The following ZBTB11 variants were observed in gnomAD, a reference collection of about 807,000 sequenced individuals.
The protein encoded by ZBTB11 is zinc finger and BTB domain containing 11.
Under a neutral mutation model 113.1 loss-of-function variants are expected in ZBTB11, and 68 were observed. That is an observed-to-expected ratio of 0.60 (90% CI 0.49 to 0.74). The LOEUF (loss-of-function observed/expected upper bound fraction) is 0.74. ZBTB11 is among the 30% of genes least tolerant of loss of function. The pLI is 0.00. For synonymous variants in ZBTB11, 518 were observed against 452.6 expected, an observed-to-expected ratio of 1.14 and a Z score of -1.83; for missense variants, 1,104 against 1,279.4, an observed-to-expected ratio of 0.86 and a Z score of 2.09.
intron 6 of ZBTB11, among the ~76,000 whole-genome samples, chr3:101,657,716 G>A (rs1233277072): frequency 6.6e-6 from 1 of 152,078 alleles, no homozygotes; most frequent in African/African-American, 2.4e-5. Context: ...CAGGCACAGT[G>A]GCTTATGCCT....
In ZBTB11 at chr3:101,677,006, C is replaced by G; in HGVS notation, c.-92G>C. On this transcript the variant is annotated 5_prime_UTR_variant, in exon 1 of 11. Coordinates refer to ENST00000312938, the MANE Select transcript of ZBTB11 (RefSeq NM_014415.4). ...GCGGCTGCAGGAGGAGCGGCGGCACCGTAGGGAGAAACGGCTGCGCCTTTG... is the reference window on the plus strand; with the variant it reads ...GCGGCTGCAGGAGGAGCGGCGGCACGGTAGGGAGAAACGGCTGCGCCTTTG... 1 of 1,389,782 alleles carries G rather than the reference C, an allele frequency of 7.2e-7. No individual in the cohort carries two copies. The highest frequency in any genetic ancestry group is 9.6e-7 in the Non-Finnish European group (1 of 1,045,456). The allele number at this position is 1,389,782 out of a possible 1,614,324, so 86.1% of individuals were successfully genotyped here. A position where few individuals can be genotyped will look rare whatever the true frequency, so the allele number is the denominator to read the frequency against.
chr3:101,676,965 G>T lies in ZBTB11; in HGVS notation c.-51C>A. 6.7e-7 allele frequency: 1 copy of T among 1,495,590 alleles called. No individual in the cohort carries two copies. Among genetic ancestry groups the T allele is most frequent in the East Asian group, 2.4e-5 (1 of 41,084 alleles). The allele number at this position is 1,495,590 out of a possible 1,614,324, so 92.6% of individuals were successfully genotyped here. On this transcript the variant is annotated 5_prime_UTR_variant, in exon 1 of 11. Transcript: ENST00000312938. ...CCTGTCAGGGACAGGTGAGGAAAAC[G>T]GCCCGCTACCTACGGGCGGCTGCAG...
rs113195519 is a variant in ZBTB11 at position 101,665,402 on chromosome 3, G to C, written c.1185C>G (p.Ala395=). 1 of 1,614,100 alleles carries C rather than the reference G, an allele frequency of 6.2e-7. No individual in the cohort carries two copies. The highest frequency in any genetic ancestry group is 8.5e-7 in the Non-Finnish European group (1 of 1,180,024). ...CAGCTATACATCCTACTGATGACAG[G>C]GCAGATTCAGCCTCTGAAGAAACCT... The part of the protein sequence containing the change: ...EPQVSSEAES[A]LSSVGCIADS... Residue 395 remains alanine, a synonymous_variant, in exon 4 of 11, where the codon GCC becomes GCG. Coordinates refer to ENST00000312938, the MANE Select transcript of ZBTB11 (RefSeq NM_014415.4).
Position 101,665,633 on chromosome 3 carries a change from T to C in ZBTB11, c.954A>G (p.Val318=). Residue 318 remains valine (V), a synonymous_variant, in exon 4 of 11, where the codon GTA becomes GTG. Transcript: ENST00000312938. Reference sequence around the variant, plus strand: ...CTGTTTGTACTTCGCCCTTCTTATATACTGTTAGCTGCTTCTCTTCCATTA... The same window carrying C: ...CTGTTTGTACTTCGCCCTTCTTATACACTGTTAGCTGCTTCTCTTCCATTA... ...HKLMEEKQLT[V]YKKGEVQTVA... 1 of 1,614,240 alleles carries C rather than the reference T, an allele frequency of 6.2e-7. No homozygotes were observed. The highest frequency in any genetic ancestry group is 8.5e-7 in the Non-Finnish European group (1 of 1,180,034).
chr3:101,675,536 T>A (rs1488788843), intron 1 of ZBTB11, among the ~76,000 whole-genome samples: 1 of 152,192 alleles, frequency 6.6e-6, no homozygotes, highest in Non-Finnish European at 1.5e-5. Context: ...CTAACAAAAT[T>A]TCTTAAATGG....
intron 5 of ZBTB11, among the ~76,000 whole-genome samples, chr3:101,664,015 C>G (rs1262608389): frequency 6.6e-6 from 1 of 152,172 alleles, no homozygotes; most frequent in African/African-American, 2.4e-5. Flanking sequence ...CACAGTACTC[C>G]CCAGTGGAGT....
intron 1 of ZBTB11, among the ~76,000 whole-genome samples, chr3:101,675,504 T>C (rs565185093): frequency 1.5e-4 from 23 of 152,364 alleles, no homozygotes; most frequent in African/African-American, 4.6e-4. Context: ...TGTAGCCATA[T>C]TGGAGAGTGA....
chr3:101,654,517 T>C (rs935668376), intron 8 of ZBTB11, among the ~76,000 whole-genome samples, 187 bp downstream of exon 8: 7 of 152,084 alleles, frequency 4.6e-5, no homozygotes, highest in Non-Finnish European at 7.4e-5. Flanking sequence ...TTTAAATGAG[T>C]GATTTGTATG....
chr3:101,676,922 C>G lies in ZBTB11; in HGVS notation c.-8G>C. Reference sequence around the variant, plus strand: ...GCTTTCCTCGCTTGACATCGCGGACCGCGGCTCCCTGAGGGCGCCTGTCAG... The same window carrying G: ...GCTTTCCTCGCTTGACATCGCGGACGGCGGCTCCCTGAGGGCGCCTGTCAG... On this transcript the variant is annotated 5_prime_UTR_variant, in exon 1 of 11. Coordinates refer to ENST00000312938, the MANE Select transcript of ZBTB11 (RefSeq NM_014415.4). 6.4e-7 allele frequency: 1 copy of G among 1,555,684 alleles called. No individual in the cohort carries two copies. The highest frequency in any genetic ancestry group is 1.7e-4 in the Middle Eastern group (1 of 5,794).
intron 1 of ZBTB11, 159 bp downstream of exon 1, chr3:101,676,446 C>T (rs1937175318): frequency 2.7e-6 from 2 of 750,202 alleles, no homozygotes; most frequent in Non-Finnish European, 3.9e-6. Flanking sequence ...AGTGCGGCTC[C>T]TTTCGCGTCC....
rs1223449841 is a variant in ZBTB11, at chr3:101,650,962, G to C, written c.*204C>G. On this transcript the variant is annotated 3_prime_UTR_variant, in exon 11 of 11. Transcript: ENST00000312938. ...CAAAAGCAATTGCACCAACCTAATA[G>C]ATCTGTTTTCAATTTCTCTACACTA... The C allele has an allele frequency of 2.8e-5, 13 of 461,200 alleles. No homozygotes were observed. The East Asian group carries it at 4.5e-4, about 16-fold the overall frequency. The allele number at this position is 461,200 out of a possible 1,614,324, so 28.6% of individuals were successfully genotyped here.
intron 1 of ZBTB11, among the ~76,000 whole-genome samples, chr3:101,672,995 A>C (rs1315537184): frequency 6.6e-6 from 1 of 152,246 alleles, no homozygotes; most frequent in Non-Finnish European, 1.5e-5. Context: ...GACTACTACA[A>C]AACTTGTAAT....
chr3:101,664,031 T>G (rs770678662), intron 5 of ZBTB11, among the ~76,000 whole-genome samples: 1 of 152,234 alleles, frequency 6.6e-6, no homozygotes, highest in Non-Finnish European at 1.5e-5. Flanking sequence ...GGAGTTATGG[T>G]TTTATCCTTT....
chr3:101,677,088 C>T lies in ZBTB11; in HGVS notation c.-174G>A, dbSNP rs1217459273. On this transcript the variant is annotated 5_prime_UTR_variant, in exon 1 of 11. Transcript: ENST00000312938. ...AAGGAAAAGCGGGCGAGTTGGTAAC[C>T]AGGGGGAACTGCACTTCTCCAGCGC... is the stretch of plus-strand genomic sequence containing the variant. 11 of 691,440 alleles carry T rather than the reference C, an allele frequency of 1.6e-5. No individual in the cohort carries two copies. The highest frequency in any genetic ancestry group is 2.5e-5 in the Non-Finnish European group (11 of 440,886). 42.8% of individuals were successfully genotyped at this position (691,440 alleles called of 1,614,324 possible). A position where few individuals can be genotyped will look rare whatever the true frequency, so the allele number is the denominator to read the frequency against.
At chr3:101,669,743 A>T (rs756015160) in intron 3 of ZBTB11, among the ~76,000 whole-genome samples, 1 of 152,164 alleles carries the variant, frequency 6.6e-6, no homozygotes, top group Non-Finnish European at 1.5e-5. Flanking sequence ...GTTTTTGCTC[A>T]TATGTACACC....
chr3:101,658,109 TAAAGAA>T (rs767307422), intron 6 of ZBTB11, among the ~76,000 whole-genome samples: 1 of 152,060 alleles, frequency 6.6e-6, no homozygotes, highest in Non-Finnish European at 1.5e-5. Context: ...AATGAGCAGA[TAAAGAA>T]AATGTGGTAT....
rs770365174 is a variant in ZBTB11 at position 101,665,372 on chromosome 3, G to C, written c.1215C>G (p.Ser405=). 34 of 1,614,076 alleles carry C rather than the reference G, an allele frequency of 2.1e-5. No individual in the cohort carries two copies. The South Asian group carries it at 3.6e-4, about 17-fold the overall frequency. Residue 405 remains serine (S), a synonymous_variant, in exon 4 of 11, where the codon TCC becomes TCG. Transcript: ENST00000312938. ...ALSSVGCIAD[S]HPEMESVDLI... is the part of the protein sequence containing the mutation. The stretch of plus-strand genomic sequence containing the variant: ...AATCAACAGACTCCATTTCAGGATG[G>C]GAATCAGCTATACATCCTACTGATG...
intron 3 of ZBTB11, among the ~76,000 whole-genome samples, chr3:101,667,748 G>A (rs1937020204): frequency 6.6e-6 from 1 of 152,032 alleles, no homozygotes; most frequent in Non-Finnish European, 1.5e-5. Context: ...TGCAACCTCT[G>A]CCTCCCATTT....
chr3:101,674,186 C>T (rs1300711606), intron 1 of ZBTB11, among the ~76,000 whole-genome samples: 13 of 151,766 alleles, frequency 8.6e-5, no homozygotes, highest in Admixed American at 8.5e-4. Context: ...TGTGGAGGCA[C>T]GCGCCTGTAG....
Sources: gnomAD v4.1 joint callset for allele counts (sites outside exome capture counted in the v4.1 genomes callset) on GRCh38, gnomAD v4.1.1 for gene constraint, MANE v1.5 for transcripts, NCBI Gene and HGNC (gene_info 2026-07-23, HGNC 2026-07-21) for gene names.